Variants in FRMPD2 observed in about 807,000 individuals in gnomAD.
The protein encoded by FRMPD2 is FERM and PDZ domain containing 2.
Under a neutral mutation model 140.1 loss-of-function variants are expected in FRMPD2, and 96 were observed. That is an observed-to-expected ratio of 0.69 (90% confidence interval 0.58 to 0.81). The LOEUF (loss-of-function observed/expected upper bound fraction) is 0.81. FRMPD2 is among the 40% of genes least tolerant of loss of function. The pLI is 0.00. For synonymous variants in FRMPD2, 449 were observed against 547.6 expected (o/e 0.82, Z 2.52); for missense variants, 1,240 against 1,447.4 (o/e 0.86, Z 2.32).
chr10:48,238,013 C>T lies in FRMPD2; in HGVS notation c.899G>A (p.Gly300Asp). 1.2e-6 allele frequency: 2 copies of T among 1,614,204 alleles called. No homozygotes were observed. Among genetic ancestry groups the T allele is most frequent in the Non-Finnish European group, 1.7e-6 (2 of 1,180,040 alleles). The change falls in exon 8 of 29, where the codon GGT (glycine) becomes GAT (aspartate). Residue 300 changes from glycine (G) to aspartate (D), a missense_variant. By Grantham distance (94) the Gly-to-Asp change is moderately conservative. Transcript: ENST00000374201. Reference protein sequence around the residue: ...SSWPTTPSQRGFLQRRSKFSR... With the variant: ...SSWPTTPSQRDFLQRRSKFSR... The stretch of plus-strand genomic sequence containing the variant: ...TACCTTGCTCCTTCTTTGCAGAAAA[C>T]CCCTCTGAGAAGGAGTTGTTGGCCA...
intron 1 of FRMPD2, 118 bp from the exon 2 acceptor site, chr10:48,251,809 G>A (rs1051960675): frequency 8.3e-7 from 1 of 1,203,894 alleles, no homozygotes; most frequent in Non-Finnish European, 1.2e-6. Context: ...CACCGGCACT[G>A]TGTTTTCAGC....
At chr10:48,245,224 G>A (rs754524736) in intron 3 of FRMPD2, among the ~76,000 whole-genome samples, 27 of 152,314 alleles carry the variant, frequency 1.8e-4, no homozygotes, top group Middle Eastern at 3.4e-3. Flanking sequence ...GTGACAATGA[G>A]GCAGCAAGCA....
chr10:48,182,446 T>G (rs940298011), intron 20 of FRMPD2, among the ~76,000 whole-genome samples: 14 of 152,376 alleles, frequency 9.2e-5, no homozygotes, highest in Non-Finnish European at 1.5e-4. Flanking sequence ...ATGCTCATGA[T>G]GGACATTTTA....
At position 48,239,718 on chromosome 10, in the gene FRMPD2, A is replaced by G. The variant is rs752773392; in HGVS notation, c.701-26T>C. ...CTAATCAAGCAGCATGGTAGAGGGT[A>G]TGGGCAGAAGCCAAGATCACGGCTT... On this transcript the variant is annotated intron_variant, in intron 6 of 28. Coordinates refer to ENST00000374201, the MANE Select transcript of FRMPD2 (RefSeq NM_001018071.4). 10 of 1,573,152 alleles carry G rather than the reference A, an allele frequency of 6.4e-6. No homozygotes were observed. In the East Asian group the frequency reaches 8.9e-5, roughly 14 times the overall value.
intron 13 of FRMPD2, among the ~76,000 whole-genome samples, chr10:48,208,058 T>TATCATCATC (rs201559648): frequency 6.6e-6 from 1 of 151,142 alleles, no homozygotes; most frequent in African/African-American, 2.4e-5. Context: ...TCATCATCAT[T>TATCATCATC]ATCATCATCA....
intron 21 of FRMPD2, among the ~76,000 whole-genome samples, chr10:48,180,503 G>T (rs1377990322): frequency 6.6e-6 from 1 of 152,030 alleles, no homozygotes; most frequent in African/African-American, 2.4e-5. Flanking sequence ...TTTCCTCATG[G>T]TGCTATTATC....
intron 28 of FRMPD2, among the ~76,000 whole-genome samples, chr10:48,159,438 C>A (rs1837874982): frequency 6.6e-6 from 1 of 151,352 alleles, no homozygotes; most frequent in Admixed American, 6.6e-5. Flanking sequence ...CAGGATCCAG[C>A]CCAGGCTCTG....
chr10:48,242,433 G>T, intron 4 of FRMPD2, 81 bp from the exon 5 acceptor site: 1 of 1,287,394 alleles, frequency 7.8e-7, no homozygotes, highest in African/African-American at 1.5e-5. Context: ...GGCAGGCCTT[G>T]GAGACATGGA....
chr10:48,237,588 C>T (rs1839996709), intron 8 of FRMPD2, among the ~76,000 whole-genome samples: 1 of 152,152 alleles, frequency 6.6e-6, no homozygotes, highest in African/African-American at 2.4e-5. Flanking sequence ...ATAACTCTCT[C>T]CTCCCTATAG....
At chr10:48,164,233 C>T (rs1344073225) in intron 27 of FRMPD2, among the ~76,000 whole-genome samples, 2 of 151,140 alleles carry the variant, frequency 1.3e-5, no homozygotes, top group Admixed American at 6.6e-5. Context: ...CAGTAGAAAA[C>T]TGTTTTTATC....
At chr10:48,159,844 G>A (rs1837886585) in intron 28 of FRMPD2, among the ~76,000 whole-genome samples, 2 of 151,598 alleles carry the variant, frequency 1.3e-5, no homozygotes, top group African/African-American at 2.4e-5. Context: ...CTTTCCAACC[G>A]ATAAGTGTAA....
At chr10:48,239,511 T>C in intron 7 of FRMPD2, 94 bp downstream of exon 7, 1 of 829,334 alleles carries the variant, frequency 1.2e-6, no homozygotes, top group Non-Finnish European at 1.9e-6. Context: ...GCAAGAGGCT[T>C]CTTACTAATA....
intron 13 of FRMPD2, among the ~76,000 whole-genome samples, chr10:48,210,751 G>C (rs561316997): frequency 6.6e-6 from 1 of 152,368 alleles, no homozygotes; most frequent in South Asian, 2.1e-4. Context: ...TAGATACAGG[G>C]ATAGTTCTGC....
chr10:48,190,165 C>T (rs1397185528), intron 16 of FRMPD2, among the ~76,000 whole-genome samples: 2 of 152,178 alleles, frequency 1.3e-5, no homozygotes, highest in Non-Finnish European at 2.9e-5. Context: ...TGGACTTTGG[C>T]CCACCTCAGA....
Position 48,177,300 on chromosome 10 carries a change from A to C in FRMPD2, c.2895+747T>G, listed in dbSNP as rs1378712689. On this transcript the variant is annotated intron_variant, in intron 22 of 28. Transcript: ENST00000374201. The stretch of plus-strand genomic sequence containing the variant: ...TTTTTTTTTTTATTTTTTAGTAGAG[A>C]TGGGGTTTCACCATGTTAGCCAGGA... 3.3e-5 allele frequency: 5 copies of C among 150,218 alleles called. No individual in the cohort carries two copies. In the East Asian group the frequency reaches 9.8e-4, roughly 29 times the overall value. 9.3% of individuals were successfully genotyped at this position (150,218 alleles called of 1,614,324 possible).
At chr10:48,259,951 G>T (rs1310204985) in intron 1 of FRMPD2, among the ~76,000 whole-genome samples, 1 of 151,856 alleles carries the variant, frequency 6.6e-6, no homozygotes, top group Non-Finnish European at 1.5e-5. Context: ...ACTGTATTAG[G>T]GTTCTCCAGA....
chr10:48,185,503 A>T, intron 18 of FRMPD2, 50 bp downstream of exon 18: 1 of 1,310,628 alleles, frequency 7.6e-7, no homozygotes, highest in Non-Finnish European at 1.1e-6. Flanking sequence ...CCACCTCCCC[A>T]CTTTGCCCAG....
At chr10:48,210,129 G>T (rs1255769692) in intron 13 of FRMPD2, among the ~76,000 whole-genome samples, 4 of 152,048 alleles carry the variant, frequency 2.6e-5, no homozygotes, top group Admixed American at 1.3e-4. Context: ...AATCAGGGAG[G>T]GGGAGAAAAC....
At chr10:48,253,718 T>C (rs1840435136) in intron 1 of FRMPD2, among the ~76,000 whole-genome samples, 1 of 151,698 alleles carries the variant, frequency 6.6e-6, no homozygotes, top group Non-Finnish European at 1.5e-5. Flanking sequence ...TCCTTCAGAC[T>C]GAAATGAAAA....
Sources: allele counts gnomAD v4.1 joint callset (sites outside exome capture counted in the v4.1 genomes callset), GRCh38; gene constraint gnomAD v4.1.1; transcripts MANE v1.5; gene names NCBI Gene and HGNC (gene_info 2026-07-23, HGNC 2026-07-21).